Variants in ENPP6 observed in about 807,000 individuals in gnomAD.
The protein encoded by ENPP6 is ectonucleotide pyrophosphatase/phosphodiesterase 6.
Under a neutral mutation model 42.0 loss-of-function variants are expected in ENPP6, and 32 were observed. The observed-to-expected ratio is 0.76, with a 90% CI of 0.58 to 1.02. The LOEUF (loss-of-function observed/expected upper bound fraction) is 1.02. Ranked by LOEUF, ENPP6 falls within the 50% of genes least tolerant of loss-of-function variation. The pLI is 0.00. For synonymous variants in ENPP6, 213 were observed against 216.0 expected, an observed-to-expected ratio of 0.99 and a Z score of 0.12; for missense variants, 552 against 566.8, an observed-to-expected ratio of 0.97 and a Z score of 0.27.
At chr4:184,130,557 CAAACAAAACAAA>C (rs1736585708) in intron 2 of ENPP6, among the ~76,000 whole-genome samples, 1 of 36,356 alleles carries the variant, frequency 2.8e-5, no homozygotes, top group Non-Finnish European at 6.9e-5. Context: ...GACTCCAAAT[CAAACAAAACAAA>C]ACAAAAAAAA....
At position 184,117,824 on chromosome 4, in the gene ENPP6, G is replaced by T; in HGVS notation, c.610C>A (p.Pro204Thr). The T allele has an allele frequency of 1.2e-6, 2 of 1,614,250 alleles. No homozygotes were observed. Among genetic ancestry groups the T allele is most frequent in the Non-Finnish European group, 1.7e-6 (2 of 1,180,040 alleles). The part of the protein sequence containing the change: ...VEGHHYGPAS[P>T]QRKDALKAVD... ...GCCTTGAGGGCATCTTTCCTCTGCG[G>T]AGATGCAGGCCCGTAGTGGTGGCCT... The change falls in exon 4 of 8, where the codon CCG becomes ACG. Residue 204 changes from proline to threonine, a missense_variant. Physicochemically the swap from Pro to Thr is conservative, Grantham distance 38 (BLOSUM62 -1). This residue lies in a region of ENPP6 where 545 missense variants were observed against 546.3 expected (regional missense o/e 1.00). Coordinates refer to ENST00000296741, the MANE Select transcript of ENPP6 (RefSeq NM_153343.4).
intron 1 of ENPP6, among the ~76,000 whole-genome samples, chr4:184,160,792 C>A (rs933580744): frequency 6.6e-6 from 1 of 152,138 alleles, no homozygotes; most frequent in African/African-American, 2.4e-5. Flanking sequence ...TAACTGCAGG[C>A]ATCTCTACCT....
At chr4:184,113,183 A>G (rs1386093789) in intron 5 of ENPP6, among the ~76,000 whole-genome samples, 1 of 152,200 alleles carries the variant, frequency 6.6e-6, no homozygotes, top group Non-Finnish European at 1.5e-5. Context: ...GGAATACTCT[A>G]CAGCACTGAA....
chr4:184,176,905 C>G (rs565357269), intron 1 of ENPP6, among the ~76,000 whole-genome samples: 64 of 152,298 alleles, frequency 4.2e-4, no homozygotes, highest in African/African-American at 1.5e-3. Flanking sequence ...TTCTGAAGCT[C>G]CGTTTTTTAA....
intron 1 of ENPP6, among the ~76,000 whole-genome samples, chr4:184,194,179 G>A (rs78594277): frequency 0.024 from 3,589 of 152,172 alleles, 138 homozygotes; most frequent in African/African-American, 0.083. Flanking sequence ...GGGCCTTCGC[G>A]GCTGCTAAGA....
chr4:184,092,541 T>G (rs1466013346), intron 7 of ENPP6, among the ~76,000 whole-genome samples: 1 of 152,222 alleles, frequency 6.6e-6, no homozygotes, highest in African/African-American at 2.4e-5. Context: ...TTGGAGGGAT[T>G]TCAATCAAGG....
chr4:184,107,011 C>T (rs1278883495), intron 6 of ENPP6, among the ~76,000 whole-genome samples: 2 of 152,312 alleles, frequency 1.3e-5, no homozygotes, highest in East Asian at 1.9e-4. Context: ...AGTTTAGCAT[C>T]GCCGAGCCTG....
chr4:184,207,208 CT>C (rs1382022115), intron 1 of ENPP6, among the ~76,000 whole-genome samples: 2 of 152,250 alleles, frequency 1.3e-5, no homozygotes, highest in African/African-American at 2.4e-5. Context: ...TGGTAGTTTA[CT>C]GGCAGTAAAG....
At chr4:184,106,836 G>T (rs1370535683) in intron 6 of ENPP6, among the ~76,000 whole-genome samples, 1 of 152,202 alleles carries the variant, frequency 6.6e-6, no homozygotes, top group East Asian at 1.9e-4. Context: ...GTTGGCCGTC[G>T]CTGTAGTCGG....
chr4:184,121,817 C>A (rs1736420071), intron 3 of ENPP6, among the ~76,000 whole-genome samples: 1 of 152,164 alleles, frequency 6.6e-6, no homozygotes, highest in Non-Finnish European at 1.5e-5. Flanking sequence ...CTGAAGGAGA[C>A]AAAGGTTAGA....
At chr4:184,097,139 G>T (rs549181210) in intron 7 of ENPP6, 106 bp downstream of exon 7, 10 of 1,512,868 alleles carry the variant, frequency 6.6e-6, no homozygotes, top group Admixed American at 1.9e-5. Context: ...CTCATAAAGA[G>T]GGTCTGTAAG....
At chr4:184,159,343 T>C (rs1374099407) in intron 1 of ENPP6, among the ~76,000 whole-genome samples, 1 of 152,228 alleles carries the variant, frequency 6.6e-6, no homozygotes, top group Non-Finnish European at 1.5e-5. Context: ...TATATGGGTT[T>C]ATCAGTGGGA....
chr4:184,206,715 T>C (rs962635317), intron 1 of ENPP6, among the ~76,000 whole-genome samples: 6 of 152,218 alleles, frequency 3.9e-5, no homozygotes, highest in Non-Finnish European at 8.8e-5. Context: ...TCTGCTGTTT[T>C]ACCCCAGAAC....
intron 2 of ENPP6, among the ~76,000 whole-genome samples, chr4:184,144,435 G>C (rs981200343): frequency 1.3e-5 from 2 of 152,098 alleles, no homozygotes; most frequent in Non-Finnish European, 2.9e-5. Context: ...AGCCCCAAAC[G>C]GCAGCCCCGC....
intron 2 of ENPP6, among the ~76,000 whole-genome samples, chr4:184,134,367 G>A (rs1305111238): frequency 6.6e-6 from 1 of 152,110 alleles, no homozygotes; most frequent in African/African-American, 2.4e-5. Flanking sequence ...CTAGTGGAGT[G>A]TCTAATACTG....
chr4:184,091,147 G>GT lies in ENPP6; in HGVS notation c.*29dup, dbSNP rs759615464. The GT allele has an allele frequency of 1.3e-6, 2 of 1,500,350 alleles. No homozygotes were observed. Among genetic ancestry groups the GT allele is most frequent in the Non-Finnish European group, 8.9e-7 (1 of 1,125,642 alleles). 92.9% of individuals were successfully genotyped at this position (1,500,350 alleles called of 1,614,324 possible). A position where few individuals can be genotyped will look rare whatever the true frequency, so the allele number is the denominator to read the frequency against. ...TTTGGAGGCCCACTTTGCTGATGGT[G>GT]TTTTTTTCTGAGACAAGCAATATGA... On this transcript the variant is annotated 3_prime_UTR_variant, in exon 8 of 8. Coordinates refer to ENST00000296741, the MANE Select transcript of ENPP6 (RefSeq NM_153343.4).
At chr4:184,116,228 A>C (rs1466504826) in intron 5 of ENPP6, among the ~76,000 whole-genome samples, 1 of 151,996 alleles carries the variant, frequency 6.6e-6, no homozygotes, top group African/African-American at 2.4e-5. Context: ...GTCTCAAAAA[A>C]CAAACAAACA....
intron 1 of ENPP6, among the ~76,000 whole-genome samples, chr4:184,209,398 G>T (rs1419017905): frequency 2.6e-5 from 4 of 151,312 alleles, no homozygotes; most frequent in Non-Finnish European, 1.5e-5. Context: ...TAAAGGAGCT[G>T]ATGGAGCTGA....
chr4:184,117,243 G>A (rs1164793209), intron 4 of ENPP6, among the ~76,000 whole-genome samples: 3 of 152,178 alleles, frequency 2.0e-5, no homozygotes, highest in Admixed American at 6.5e-5. Flanking sequence ...CACTCAATTC[G>A]TGCTGACACC....
Sources: allele counts gnomAD v4.1 joint callset (sites outside exome capture counted in the v4.1 genomes callset), GRCh38; gene constraint gnomAD v4.1.1; regional missense constraint gnomAD v4.1.1; transcripts MANE v1.5; gene names NCBI Gene and HGNC (gene_info 2026-07-23, HGNC 2026-07-21).